Variants in TNFSF13B observed in about 807,000 individuals in gnomAD.
TNFSF13B encodes tumor necrosis factor ligand superfamily member 13B.
TNFSF13B carries 8 observed loss-of-function variants against 29.1 expected under a neutral mutation model. That is an observed-to-expected ratio of 0.27 (90% CI 0.16 to 0.50). TNFSF13B has a LOEUF of 0.50. TNFSF13B is among the 20% of genes least tolerant of loss of function. TNFSF13B has a pLI of 0.98. For synonymous variants in TNFSF13B, 125 were observed against 130.8 expected, an observed-to-expected ratio of 0.96 and a Z score of 0.30; for missense variants, 248 against 334.9, an observed-to-expected ratio of 0.74 and a Z score of 2.03.
rs1049409487 is a variant in TNFSF13B at position 108,296,375 on chromosome 13, T to G, written c.482-6878T>G. Among the ~76,000 whole-genome samples the G allele has an allele frequency of 4.8e-5, 7 of 145,964 alleles. 1 individual carries two copies. Among genetic ancestry groups the G allele is most frequent in the African/African-American group, 1.8e-4 (7 of 38,938 alleles). On this transcript the variant is annotated intron_variant, in intron 3 of 5. Coordinates refer to ENST00000375887, the MANE Select transcript of TNFSF13B (RefSeq NM_006573.5). ...TAAAAATTTTTGGCTTAACATGTAT[T>G]TATTCTGATATCAGTATTAGCCATC... is the stretch of plus-strand genomic sequence containing the variant.
chr13:108,277,253 T>A (rs1880786959), intron 2 of TNFSF13B, among the ~76,000 whole-genome samples: 2 of 152,176 alleles, frequency 1.3e-5, no homozygotes, highest in Non-Finnish European at 2.9e-5. Flanking sequence ...GCAAGCTAAT[T>A]ATTTAATAGT....
intron 5 of TNFSF13B, among the ~76,000 whole-genome samples, chr13:108,306,622 C>G (rs1881782448): frequency 1.3e-5 from 2 of 151,712 alleles, no homozygotes; most frequent in Admixed American, 1.3e-4. Context: ...GCATACATAT[C>G]TGTTGTAACT....
At chr13:108,279,870 C>T (rs781056838) in intron 2 of TNFSF13B, among the ~76,000 whole-genome samples, 3 of 152,002 alleles carry the variant, frequency 2.0e-5, no homozygotes, top group Admixed American at 2.0e-4. Flanking sequence ...TAATTTTGTC[C>T]GTGATGCTCC....
chr13:108,274,318 C>A (rs1209579252), intron 2 of TNFSF13B, among the ~76,000 whole-genome samples: 8 of 150,738 alleles, frequency 5.3e-5, no homozygotes, highest in Non-Finnish European at 7.4e-5. Context: ...CATATATGAA[C>A]AAATACATAT....
At chr13:108,298,828 C>T (rs9555454) in intron 3 of TNFSF13B, among the ~76,000 whole-genome samples, 3,317 of 144,834 alleles carry the variant, frequency 0.023, 425 homozygotes, top group East Asian at 0.21. Flanking sequence ...AAACTTAGCC[C>T]GGCGTAGTGG....
chr13:108,284,053 G>C (rs1248325834), intron 2 of TNFSF13B, among the ~76,000 whole-genome samples: 1 of 152,152 alleles, frequency 6.6e-6, no homozygotes, highest in Non-Finnish European at 1.5e-5. Flanking sequence ...AGTCATGGCC[G>C]GGCGCAGTGG....
intron 3 of TNFSF13B, chr13:108,302,640 A>C (rs989988646): frequency 1.1e-5 from 2 of 175,670 alleles, no homozygotes; most frequent in Non-Finnish European, 2.2e-5. Context: ...GTGACTTTTG[A>C]TGGGTAATGG....
intron 3 of TNFSF13B, among the ~76,000 whole-genome samples, chr13:108,294,844 T>C (rs1881423408): frequency 6.9e-6 from 1 of 145,382 alleles, no homozygotes. Flanking sequence ...CATCTAGTTA[T>C]GAATTTTGAG....
chr13:108,277,812 C>T (rs1594517726), intron 2 of TNFSF13B, among the ~76,000 whole-genome samples: 2 of 152,272 alleles, frequency 1.3e-5, no homozygotes, highest in East Asian at 1.9e-4. Context: ...GAGGTCACTC[C>T]TCGCCATCTT....
At chr13:108,283,068 A>AT (rs1342405442) in intron 2 of TNFSF13B, among the ~76,000 whole-genome samples, 1 of 152,176 alleles carries the variant, frequency 6.6e-6, no homozygotes, top group Non-Finnish European at 1.5e-5. Flanking sequence ...TAATATTGCC[A>AT]TTTTTGCTCC....
intron 3 of TNFSF13B, among the ~76,000 whole-genome samples, chr13:108,298,980 C>A (rs1237691599): frequency 7.7e-6 from 1 of 129,678 alleles, no homozygotes. Flanking sequence ...AACAAACAAA[C>A]AAACAAACAA....
chr13:108,287,165 C>A (rs1275004673), intron 3 of TNFSF13B, among the ~76,000 whole-genome samples: 2 of 151,860 alleles, frequency 1.3e-5, no homozygotes, highest in East Asian at 1.9e-4. Flanking sequence ...GATATACCTA[C>A]TGTTAAATGA....
intron 3 of TNFSF13B, among the ~76,000 whole-genome samples, chr13:108,287,467 A>G (rs968423567): frequency 4.6e-5 from 7 of 152,210 alleles, no homozygotes; most frequent in African/African-American, 1.7e-4. Context: ...AATAATTAAG[A>G]CCAAAGTAAT....
chr13:108,282,557 A>T (rs1880987610), intron 2 of TNFSF13B, among the ~76,000 whole-genome samples: 1 of 152,142 alleles, frequency 6.6e-6, no homozygotes, highest in African/African-American at 2.4e-5. Flanking sequence ...ATTGAATTTT[A>T]TTGTGTTAAA....
intron 5 of TNFSF13B, 30 bp downstream of exon 5, chr13:108,303,634 T>A: frequency 6.3e-7 from 1 of 1,586,450 alleles, no homozygotes; most frequent in Non-Finnish European, 8.6e-7. Flanking sequence ...CCCTGCTAAT[T>A]GTGAAATGAA....
intron 3 of TNFSF13B, among the ~76,000 whole-genome samples, chr13:108,295,393 A>ATTTCACCG (rs1881436057): frequency 7.0e-6 from 1 of 143,394 alleles, no homozygotes; most frequent in East Asian, 1.9e-4. Flanking sequence ...GGATTTCACC[A>ATTTCACCG]TGTTGGTCAG....
chr13:108,300,590 C>CTATTT (rs1881593530), intron 3 of TNFSF13B, among the ~76,000 whole-genome samples: 1 of 152,142 alleles, frequency 6.6e-6, no homozygotes, highest in Admixed American at 6.6e-5. Flanking sequence ...AAATTAAAAA[C>CTATTT]TATTTTATTA....
intron 2 of TNFSF13B, among the ~76,000 whole-genome samples, chr13:108,279,847 A>G (rs1880882066): frequency 6.6e-6 from 1 of 151,936 alleles, no homozygotes; most frequent in African/African-American, 2.4e-5. Flanking sequence ...CTCTGCATAG[A>G]TTCATGAGCT....
chr13:108,285,357 G>A (rs558372095), intron 2 of TNFSF13B, among the ~76,000 whole-genome samples: 2 of 152,104 alleles, frequency 1.3e-5, no homozygotes, highest in East Asian at 1.9e-4. Context: ...ATAGTCTCAG[G>A]GATACATTCT....
Sources: allele counts gnomAD v4.1 joint callset (sites outside exome capture counted in the v4.1 genomes callset), GRCh38; gene constraint gnomAD v4.1.1; transcripts MANE v1.5; gene names NCBI Gene and HGNC (gene_info 2026-07-23, HGNC 2026-07-21).